Variants in ZNF90 observed in about 807,000 individuals in gnomAD.
ZNF90 encodes the protein zinc finger protein 90.
Under a neutral mutation model 12.0 loss-of-function variants are expected in ZNF90, and 11 were observed. That is an observed-to-expected ratio of 0.92 (90% confidence interval 0.58 to 1.52). The LOEUF (loss-of-function observed/expected upper bound fraction) is 1.52, where lower values mean the gene tolerates loss of function less well. ZNF90 is among the 40% of genes most tolerant of loss of function. The pLI, the probability that ZNF90 is intolerant of heterozygous loss-of-function variation, is 0.00. For missense variants in ZNF90, 765 were observed against 711.5 expected, an observed-to-expected ratio of 1.08 and a Z score of -0.86; for synonymous variants, 232 against 240.1, an observed-to-expected ratio of 0.97 and a Z score of 0.31.
In ZNF90 at chr19:20,118,194, TCA is replaced by T. The variant is rs782060978; in HGVS notation, c.644_645del (p.His215ProfsTer5). ...EECGKAFNRS[S>X]HLTSHKRIHT... ...ATGTGGCAAAGCCTTCAACAGGTCC[TCA>T]CACCTTACTTCACATAAGAGAATTC... is the stretch of plus-strand genomic sequence containing the variant. On this transcript the variant is annotated frameshift_variant, in exon 4 of 4. Coordinates refer to ENST00000418063, the MANE Select transcript of ZNF90 (RefSeq NM_007138.2). LOFTEE classifies it low-confidence loss of function (END_TRUNC). 1.9e-6 allele frequency: 3 copies of T among 1,612,284 alleles called. No homozygotes were observed. The highest frequency in any genetic ancestry group is 2.5e-6 in the Non-Finnish European group (3 of 1,179,006).
intron 1 of ZNF90, among the ~76,000 whole-genome samples, chr19:20,084,348 C>T (rs113279453): frequency 0.019 from 2,907 of 152,202 alleles, 95 homozygotes; most frequent in African/African-American, 0.067. Flanking sequence ...TGAGCCACTG[C>T]GCCAGGCTGA....
chr19:20,099,877 T>G (rs1479648023), intron 1 of ZNF90, among the ~76,000 whole-genome samples: 1 of 152,130 alleles, frequency 6.6e-6, no homozygotes, highest in Non-Finnish European at 1.5e-5. Flanking sequence ...ATTCCTAACT[T>G]CCAAGGGAAC....
At chr19:20,104,391 C>G in intron 2 of ZNF90, 26 bp downstream of exon 2, 1 of 1,597,512 alleles carries the variant, frequency 6.3e-7, no homozygotes. Flanking sequence ...ATACATAATT[C>G]ATAATATACC....
chr19:20,080,218 G>A (rs1049765491), intron 1 of ZNF90: 3 of 575,822 alleles, frequency 5.2e-6, no homozygotes, highest in Admixed American at 1.9e-5. Flanking sequence ...CCGTCCTGAC[G>A]GTGTGCTGTT....
At chr19:20,078,506 C>G (rs759089547) in intron 1 of ZNF90, among the ~76,000 whole-genome samples, 1 of 152,044 alleles carries the variant, frequency 6.6e-6, no homozygotes, top group Non-Finnish European at 1.5e-5. Context: ...TTTCTCTTTT[C>G]TCCTATTAAA....
chr19:20,110,651 C>T (rs782667239), intron 3 of ZNF90, among the ~76,000 whole-genome samples: 16 of 152,226 alleles, frequency 1.1e-4, no homozygotes, highest in Non-Finnish European at 7.4e-5. Context: ...TTTCCACCAA[C>T]GTTTAACATG....
intron 1 of ZNF90, among the ~76,000 whole-genome samples, chr19:20,097,442 A>G (rs532064326): frequency 2.6e-5 from 4 of 152,192 alleles, no homozygotes; most frequent in Admixed American, 2.6e-4. Flanking sequence ...GAGAGGCTAG[A>G]TCAGATTTCT....
intron 1 of ZNF90, among the ~76,000 whole-genome samples, chr19:20,091,612 G>A (rs934866408): frequency 2.0e-5 from 3 of 152,170 alleles, no homozygotes; most frequent in African/African-American, 7.2e-5. Flanking sequence ...CATAAGCATT[G>A]CCTAGAGCAA....
intron 1 of ZNF90, among the ~76,000 whole-genome samples, chr19:20,078,463 A>T (rs1306711887): frequency 6.6e-6 from 1 of 151,938 alleles, no homozygotes; most frequent in Non-Finnish European, 1.5e-5. Flanking sequence ...CAGGTTCATG[A>T]ATGGGAAGAG....
At chr19:20,091,520 G>T (rs1208442271) in intron 1 of ZNF90, among the ~76,000 whole-genome samples, 2 of 152,182 alleles carry the variant, frequency 1.3e-5, no homozygotes, top group African/African-American at 4.8e-5. Context: ...GGAGTAGGTG[G>T]GAGTGACTGA....
At chr19:20,091,161 T>C (rs1211108297) in intron 1 of ZNF90, among the ~76,000 whole-genome samples, 2 of 152,086 alleles carry the variant, frequency 1.3e-5, no homozygotes, top group African/African-American at 4.8e-5. Flanking sequence ...CTAAGATATT[T>C]TAGTTTTCTG....
rs1273003343 is a variant in ZNF90, at chr19:20,120,884, G to A, written c.*1524G>A. Reference sequence around the variant, plus strand: ...TTTCTATTCACATGTGAAAGCATGTGATCAATTGATGCTGCATCAGAGATA... The same window carrying A: ...TTTCTATTCACATGTGAAAGCATGTAATCAATTGATGCTGCATCAGAGATA... On this transcript the variant is annotated 3_prime_UTR_variant, in exon 4 of 4. Coordinates refer to ENST00000418063, the MANE Select transcript of ZNF90 (RefSeq NM_007138.2). The A allele has an allele frequency of 6.6e-6, 1 of 152,154 alleles. No homozygotes were observed. The highest frequency in any genetic ancestry group is 1.5e-5 in the Non-Finnish European group (1 of 68,036). 9.4% of individuals were successfully genotyped at this position (152,154 alleles called of 1,614,324 possible). A position where few individuals can be genotyped will look rare whatever the true frequency, so the allele number is the denominator to read the frequency against.
chr19:20,100,667 A>T (rs1360080204), intron 1 of ZNF90, among the ~76,000 whole-genome samples: 1 of 152,142 alleles, frequency 6.6e-6, no homozygotes, highest in African/African-American at 2.4e-5. Flanking sequence ...CCCCAACAGC[A>T]TTTGGGTTTT....
At chr19:20,108,491 G>T (rs985059695) in intron 3 of ZNF90, among the ~76,000 whole-genome samples, 1 of 151,876 alleles carries the variant, frequency 6.6e-6, no homozygotes, top group Admixed American at 6.6e-5. Flanking sequence ...TGTATTTTTA[G>T]TAGAGATGAG....
At chr19:20,086,699 A>G (rs1555702110) in intron 1 of ZNF90, among the ~76,000 whole-genome samples, 1 of 152,244 alleles carries the variant, frequency 6.6e-6, no homozygotes, top group African/African-American at 2.4e-5. Context: ...TACTATATAC[A>G]TACTATATAC....
intron 1 of ZNF90, among the ~76,000 whole-genome samples, chr19:20,083,066 G>A (rs111396110): frequency 0.019 from 2,905 of 152,082 alleles, 92 homozygotes; most frequent in African/African-American, 0.067. Flanking sequence ...CCCTTCCCCC[G>A]CTATTACCCT....
intron 1 of ZNF90, among the ~76,000 whole-genome samples, chr19:20,090,553 C>T (rs782510417): frequency 5.9e-5 from 9 of 152,086 alleles, no homozygotes; most frequent in South Asian, 2.1e-4. Flanking sequence ...AGTAGGGTCC[C>T]GTCCATCGAG....
At chr19:20,100,653 A>G (rs782244920) in intron 1 of ZNF90, among the ~76,000 whole-genome samples, 40 of 152,028 alleles carry the variant, frequency 2.6e-4, no homozygotes, top group Non-Finnish European at 5.6e-4. Flanking sequence ...TCATTGGCCA[A>G]CCTCCCCAAC....
intron 3 of ZNF90, among the ~76,000 whole-genome samples, chr19:20,111,546 TAAAG>T (rs113934630): frequency 0.068 from 10,388 of 152,184 alleles, 1,224 homozygotes; most frequent in African/African-American, 0.24. Flanking sequence ...AATGATTGCT[TAAAG>T]AAAAATTACC....
Sources: gnomAD v4.1 joint callset for allele counts (sites outside exome capture counted in the v4.1 genomes callset) on GRCh38, gnomAD v4.1.1 for gene constraint, MANE v1.5 for transcripts, NCBI Gene and HGNC (gene_info 2026-07-23, HGNC 2026-07-21) for gene names.